Variants in EYS observed in about 807,000 individuals in gnomAD.
EYS encodes EGF-like photoreceptor maintenance factor.
EYS carries 250 observed loss-of-function variants against 282.1 expected under a neutral mutation model. That is an observed-to-expected ratio of 0.89 (90% CI 0.80 to 0.98). EYS has a LOEUF of 0.98. EYS is among the 50% of genes least tolerant of loss of function. The probability of loss-of-function intolerance (pLI) is 0.00; values close to 1 mark genes in which losing one functional copy is unlikely to be tolerated. For missense variants in EYS, 4,016 were observed against 3,709.0 expected, an observed-to-expected ratio of 1.08 and a Z score of -2.15; for synonymous variants, 1,355 against 1,282.9, an observed-to-expected ratio of 1.06 and a Z score of -1.20.
At chr6:64,945,450 C>A (rs182335377) in intron 15 of EYS, among the ~76,000 whole-genome samples, 1 of 152,180 alleles carries the variant, frequency 6.6e-6, no homozygotes, top group African/African-American at 2.4e-5. Flanking sequence ...CGGACTCACT[C>A]CTTTCTTGTC....
intron 22 of EYS, among the ~76,000 whole-genome samples, chr6:64,799,464 A>T (rs1050726710): frequency 6.6e-6 from 1 of 151,800 alleles, no homozygotes; most frequent in Non-Finnish European, 1.5e-5. Context: ...AGTTTCACTA[A>T]AATATTGTAA....
chr6:64,132,743 T>G (rs1774021830), intron 31 of EYS, among the ~76,000 whole-genome samples: 1 of 151,824 alleles, frequency 6.6e-6, no homozygotes, highest in South Asian at 2.1e-4. Flanking sequence ...ATTTGTCTAG[T>G]TTTTAAAAAT....
intron 31 of EYS, among the ~76,000 whole-genome samples, chr6:64,182,697 T>C (rs904276478): frequency 2.6e-5 from 4 of 152,106 alleles, no homozygotes; most frequent in Non-Finnish European, 5.9e-5. Flanking sequence ...AAACATCTCA[T>C]CGGGTTGCTG....
chr6:64,946,974 G>T (rs925659297), intron 14 of EYS, among the ~76,000 whole-genome samples: 2 of 151,824 alleles, frequency 1.3e-5, no homozygotes, highest in Non-Finnish European at 2.9e-5. Context: ...CTGAACAGAG[G>T]TGAGAGTTGA....
intron 31 of EYS, among the ~76,000 whole-genome samples, chr6:64,166,046 G>A (rs1301292690): frequency 1.3e-5 from 2 of 152,136 alleles, no homozygotes; most frequent in Non-Finnish European, 2.9e-5. Context: ...TATCATGGGA[G>A]CTAATGCTGA....
intron 22 of EYS, among the ~76,000 whole-genome samples, chr6:64,746,136 A>G (rs1772548702): frequency 6.6e-6 from 1 of 152,106 alleles, no homozygotes; most frequent in Non-Finnish European, 1.5e-5. Context: ...TATTGTTACA[A>G]GGGCAATTAA....
intron 31 of EYS, among the ~76,000 whole-genome samples, chr6:64,165,601 C>G (rs907239405): frequency 2.0e-5 from 3 of 152,128 alleles, no homozygotes; most frequent in Non-Finnish European, 4.4e-5. Flanking sequence ...ATACTTCATA[C>G]TTTTCATGAT....
At chr6:64,105,971 A>G (rs1772995723) in intron 31 of EYS, among the ~76,000 whole-genome samples, 1 of 152,118 alleles carries the variant, frequency 6.6e-6, no homozygotes, top group Non-Finnish European at 1.5e-5. Flanking sequence ...CTTTTAGAAA[A>G]CATACAGTTG....
chr6:64,761,684 T>G (rs1773164726), intron 22 of EYS, among the ~76,000 whole-genome samples: 1 of 152,122 alleles, frequency 6.6e-6, no homozygotes, highest in Admixed American at 6.5e-5. Context: ...TTCTATCTAC[T>G]GACCTAGTGA....
chr6:63,930,486 A>G (rs1356743041), intron 35 of EYS, among the ~76,000 whole-genome samples: 1 of 152,180 alleles, frequency 6.6e-6, no homozygotes, highest in Non-Finnish European at 1.5e-5. Context: ...CCCTGGCTTC[A>G]CAATCTCTCT....
intron 14 of EYS, among the ~76,000 whole-genome samples, chr6:64,983,387 C>G (rs549285771): frequency 6.6e-6 from 1 of 150,948 alleles, no homozygotes; most frequent in Non-Finnish European, 1.5e-5. Context: ...ATAAGAAATG[C>G]GGGAGCATAT....
At chr6:64,565,795 T>C (rs918941186) in intron 26 of EYS, among the ~76,000 whole-genome samples, 5 of 152,276 alleles carry the variant, frequency 3.3e-5, no homozygotes, top group South Asian at 2.1e-4. Flanking sequence ...AAGGTAACTA[T>C]ATACAGTGAT....
At chr6:65,042,267 T>G (rs1772960267) in intron 13 of EYS, among the ~76,000 whole-genome samples, 1 of 151,642 alleles carries the variant, frequency 6.6e-6, no homozygotes, top group African/African-American at 2.4e-5. Flanking sequence ...GCATTTCTTG[T>G]AGATTGAATA....
intron 35 of EYS, among the ~76,000 whole-genome samples, chr6:63,970,459 C>T (rs1766511502): frequency 6.6e-6 from 1 of 152,132 alleles, no homozygotes; most frequent in Admixed American, 6.5e-5. Context: ...CACAGTGAAA[C>T]TCTGTCTCTA....
At position 63,762,559 on chromosome 6, in the gene EYS, G is replaced by A. The variant is rs938098897; in HGVS notation, c.7973C>T (p.Pro2658Leu). The A allele has an allele frequency of 4.8e-5, 74 of 1,550,396 alleles. No homozygotes were observed. Among genetic ancestry groups the A allele is most frequent in the Non-Finnish European group, 5.9e-5 (68 of 1,146,178 alleles). ...TGCTCCTCTGCTACAGTGGTGTGGA[G>A]GGTCATGTTCAGGATCACAGGTAGA... is the stretch of plus-strand genomic sequence containing the variant. ...TVSTCDPEHD[P>L]PHHCSRGATC... Residue 2658 changes from proline to leucine, a missense_variant, in exon 41 of 43, where the codon CCT becomes CTT. Pro to Leu is a moderately conservative substitution (Grantham distance 98, BLOSUM62 -3). Transcript: ENST00000503581.
At chr6:64,766,677 T>TATATAC (rs1773361566) in intron 22 of EYS, among the ~76,000 whole-genome samples, 1 of 104,774 alleles carries the variant, frequency 9.5e-6, no homozygotes, top group East Asian at 3.0e-4. Flanking sequence ...TATATATATA[T>TATATAC]ATATATAAAA....
At chr6:65,158,031 C>T (rs181725829) in intron 12 of EYS, among the ~76,000 whole-genome samples, 110 of 150,832 alleles carry the variant, frequency 7.3e-4, no homozygotes, top group African/African-American at 2.3e-3. Flanking sequence ...TAATATCATA[C>T]CAACCTTATA....
intron 4 of EYS, among the ~76,000 whole-genome samples, chr6:65,492,082 G>A (rs967361687): frequency 2.0e-5 from 3 of 152,138 alleles, no homozygotes; most frequent in African/African-American, 7.2e-5. Context: ...ATGGTACTTT[G>A]TTATGACAGC....
At chr6:64,907,837 A>G (rs1029404743) in intron 16 of EYS, among the ~76,000 whole-genome samples, 5 of 152,048 alleles carry the variant, frequency 3.3e-5, no homozygotes, top group Non-Finnish European at 7.4e-5. Context: ...CAAAAATAAA[A>G]TAAAAAAAAA....
Sources: gnomAD v4.1 joint callset for allele counts (sites outside exome capture counted in the v4.1 genomes callset) on GRCh38, gnomAD v4.1.1 for gene constraint, MANE v1.5 for transcripts, NCBI Gene and HGNC (gene_info 2026-07-23, HGNC 2026-07-21) for gene names.